The following NTRK3 variants were observed in gnomAD, a reference collection of about 807,000 sequenced individuals.
The protein encoded by NTRK3 is neurotrophic receptor tyrosine kinase 3, also known as NT-3 growth factor receptor.
In NTRK3, 24 loss-of-function variants were observed where a neutral mutation model predicts 91.7. The observed-to-expected ratio is 0.26, with a 90% CI of 0.19 to 0.37. The LOEUF (loss-of-function observed/expected upper bound fraction) is 0.37, where lower values mean the gene tolerates loss of function less well. Among genes scored for constraint, NTRK3 ranks in the 10% least tolerant of loss-of-function variants. The probability of loss-of-function intolerance (pLI) is 1.00; values close to 1 mark genes in which losing one functional copy is unlikely to be tolerated. For synonymous variants in NTRK3, 483 were observed against 404.0 expected, an observed-to-expected ratio of 1.20 and a Z score of -2.34; for missense variants, 880 against 1,068.9, an observed-to-expected ratio of 0.82 and a Z score of 2.46.
chr15:87,863,424 C>T, exon 19 of NTRK3: 1 of 225,160 alleles, frequency 4.4e-6, no homozygotes, highest in Non-Finnish European at 8.8e-6. Context: ...AGAATTTACA[C>T]TCTGGGATGC....
intron 5 of NTRK3, among the ~76,000 whole-genome samples, chr15:88,175,155 T>C (rs1418862613): frequency 6.6e-6 from 1 of 152,238 alleles, no homozygotes; most frequent in Non-Finnish European, 1.5e-5. Flanking sequence ...TTCTTTCTTT[T>C]TCTTAGCCAC....
intron 13 of NTRK3, chr15:88,072,862 TTC>T: frequency 4.3e-6 from 1 of 232,738 alleles, no homozygotes; most frequent in Non-Finnish European, 8.5e-6. Flanking sequence ...GTTATGCGTG[TTC>T]TTTTTCCTGG....
chr15:87,961,583 G>A (rs1364427632), intron 14 of NTRK3, among the ~76,000 whole-genome samples: 1 of 152,244 alleles, frequency 6.6e-6, no homozygotes, highest in African/African-American at 2.4e-5. Context: ...GTGGGAGATG[G>A]GAAAGTTAAT....
intron 17 of NTRK3, among the ~76,000 whole-genome samples, chr15:87,913,548 C>T (rs2053342534): frequency 6.6e-6 from 1 of 152,106 alleles, no homozygotes; most frequent in Non-Finnish European, 1.5e-5. Context: ...TCTCATCACT[C>T]CACTCTGGGC....
chr15:88,102,257 G>C (rs1444175183), intron 13 of NTRK3, among the ~76,000 whole-genome samples: 1 of 152,094 alleles, frequency 6.6e-6, no homozygotes, highest in East Asian at 1.9e-4. Context: ...ATTCTAGAAG[G>C]TGCTTCTAAT....
At chr15:88,219,320 T>C (rs575542144) in intron 3 of NTRK3, among the ~76,000 whole-genome samples, 1 of 152,248 alleles carries the variant, frequency 6.6e-6, no homozygotes, top group Non-Finnish European at 1.5e-5. Context: ...ACAACTGGGC[T>C]GTCTACTAGG....
At chr15:88,113,814 CAA>C in intron 13 of NTRK3, among the ~76,000 whole-genome samples, 1 of 152,170 alleles carries the variant, frequency 6.6e-6, no homozygotes, top group South Asian at 2.1e-4. Flanking sequence ...ATATGGCCAG[CAA>C]AGTCTAAAAT....
At chr15:88,034,411 G>A (rs568681584) in intron 13 of NTRK3, among the ~76,000 whole-genome samples, 5 of 152,290 alleles carry the variant, frequency 3.3e-5, no homozygotes, top group South Asian at 2.1e-4. Context: ...GATAATTAAC[G>A]CTGCAGTCTT....
At chr15:88,058,041 G>T (rs766319863) in intron 13 of NTRK3, among the ~76,000 whole-genome samples, 44 of 152,284 alleles carry the variant, frequency 2.9e-4, no homozygotes, top group Non-Finnish European at 5.9e-4. Context: ...GACAAAGCTC[G>T]CTCTCTCTGG....
chr15:88,243,096 G>A lies in NTRK3; in HGVS notation c.248+12810C>T, dbSNP rs890728086. 6.6e-6 allele frequency among the ~76,000 whole-genome samples: 1 copy of A among 152,160 alleles called. No individual in the cohort carries two copies. The highest frequency in any genetic ancestry group is 2.4e-5 in the African/African-American group (1 of 41,444). On this transcript the variant is annotated intron_variant, in intron 3 of 18. Coordinates refer to ENST00000394480, the Ensembl canonical transcript of NTRK3. This position sits in a 1 kb window ranked among gnomAD's most constrained non-coding sequence, Gnocchi z 4.8. ...CCTTCAACACCAGGGACTTTGAGGAGCCCTGAGCTGAACTCCTCTTCCATT... is the reference window on the plus strand; with the variant it reads ...CCTTCAACACCAGGGACTTTGAGGAACCCTGAGCTGAACTCCTCTTCCATT...
intron 13 of NTRK3, among the ~76,000 whole-genome samples, chr15:88,078,310 C>T (rs2047736495): frequency 6.6e-6 from 1 of 152,154 alleles, no homozygotes; most frequent in Admixed American, 6.5e-5. Flanking sequence ...GCACATACCT[C>T]ACATGGCACG....
At chr15:87,916,415 A>C in intron 17 of NTRK3, 1 of 673,716 alleles carries the variant, frequency 1.5e-6, no homozygotes, top group Admixed American at 2.1e-5. Context: ...ATGACTCAAC[A>C]CCAGATTCAA....
At chr15:88,030,238 C>T (rs1427324551) in intron 14 of NTRK3, among the ~76,000 whole-genome samples, 1 of 152,160 alleles carries the variant, frequency 6.6e-6, no homozygotes, top group East Asian at 1.9e-4. Context: ...ACTGAAGAAC[C>T]GTCTGGATCC....
chr15:88,090,337 A>C lies in NTRK3; in HGVS notation c.1396+35934T>G, dbSNP rs1232310319. On this transcript the variant is annotated intron_variant, in intron 13 of 18. Transcript: ENST00000394480. The stretch of plus-strand genomic sequence containing the variant: ...ATTTATTGCCAAATCCCGGTATGTA[A>C]GCCAGTACTTGGTGCCCAGTGCACG... 9.9e-5 allele frequency among the ~76,000 whole-genome samples: 15 copies of C among 152,208 alleles called. 1 individual carries two copies.
intron 13 of NTRK3, among the ~76,000 whole-genome samples, chr15:88,064,123 A>G (rs2046445672): frequency 6.6e-6 from 1 of 152,188 alleles, no homozygotes. Context: ...AGAGGCAGAG[A>G]GTGGGGTGAT....
chr15:87,892,852 A>C (rs968658385), intron 17 of NTRK3, among the ~76,000 whole-genome samples: 3 of 152,224 alleles, frequency 2.0e-5, no homozygotes, highest in African/African-American at 7.2e-5. Flanking sequence ...TATAAATTCA[A>C]GGAACAGGAG....
At position 88,033,176 on chromosome 15, in the gene NTRK3, T is replaced by TCATATATA. The variant is rs1491166187; in HGVS notation, c.1397-132_1397-131insTATATATG. 423 of 196,042 alleles carry TCATATATA rather than the reference T, an allele frequency of 2.2e-3. 22 individuals carry two copies. Among genetic ancestry groups the TCATATATA allele is most frequent in the Admixed American group, 3.0e-3 (44 of 14,872 alleles). 12.1% of individuals were successfully genotyped at this position (196,042 alleles called of 1,614,324 possible). A position where few individuals can be genotyped will look rare whatever the true frequency, so the allele number is the denominator to read the frequency against. ...CTTTTTTTTACTTTTGGGGGGTGTGTTATATATATATATATATATATATAT... is the reference window on the plus strand; with the variant it reads ...CTTTTTTTTACTTTTGGGGGGTGTGTCATATATATATATATATATATATATATATATAT... On this transcript the variant is annotated intron_variant, in intron 13 of 18. Transcript: ENST00000394480.
At chr15:87,937,313 T>C (rs995360055) in intron 15 of NTRK3, among the ~76,000 whole-genome samples, 2 of 152,150 alleles carry the variant, frequency 1.3e-5, no homozygotes, top group African/African-American at 2.4e-5. Flanking sequence ...CAATGAAATA[T>C]GAATGTAGAT....
chr15:88,076,553 A>G (rs1304100524), intron 13 of NTRK3, among the ~76,000 whole-genome samples: 1 of 152,050 alleles, frequency 6.6e-6, no homozygotes, highest in Non-Finnish European at 1.5e-5. Flanking sequence ...CAATGTAAAC[A>G]CCTACCACAT....
Sources: allele counts gnomAD v4.1 joint callset (sites outside exome capture counted in the v4.1 genomes callset), GRCh38; gene constraint gnomAD v4.1.1; non-coding constraint Gnocchi (gnomAD v3.1); transcripts MANE v1.5; gene names NCBI Gene and HGNC (gene_info 2026-07-23, HGNC 2026-07-21).